PABPC4L: variants seen among roughly 807,000 people sequenced by gnomAD.
The protein encoded by PABPC4L is polyadenylate-binding protein 4-like.
For missense variants in PABPC4L, 452 were observed against 451.4 expected (o/e 1.00, Z -0.01); for synonymous variants, 169 against 164.1 (o/e 1.03, Z -0.23).
chr4:134,185,850 A>C, the PABPC4L span, among the ~76,000 whole-genome samples: 2 of 152,154 alleles, frequency 1.3e-5, no homozygotes, highest in Non-Finnish European at 2.9e-5. Context: ...TCAGAATACA[A>C]AACCAATGTG....
At chr4:134,174,805 A>C in the PABPC4L span, among the ~76,000 whole-genome samples, 3 of 152,048 alleles carry the variant, frequency 2.0e-5, no homozygotes, top group South Asian at 6.2e-4. Flanking sequence ...GATGACCAGA[A>C]ATTTTTTATA....
the PABPC4L span, among the ~76,000 whole-genome samples, chr4:134,159,307 C>T: frequency 6.6e-6 from 1 of 152,120 alleles, no homozygotes; most frequent in Admixed American, 6.5e-5. Context: ...AATTAAACAA[C>T]TATCCATGCA....
the PABPC4L span, among the ~76,000 whole-genome samples, chr4:134,048,828 T>C: frequency 6.6e-6 from 1 of 152,256 alleles, no homozygotes; most frequent in South Asian, 2.1e-4. Context: ...ATAATAACTA[T>C]TGCACAGGGC....
chr4:134,024,458 A>G, the PABPC4L span, among the ~76,000 whole-genome samples: 2 of 152,092 alleles, frequency 1.3e-5, no homozygotes, highest in Non-Finnish European at 2.9e-5. Flanking sequence ...GCAGATGGCC[A>G]CCTTCTTGCT....
At chr4:133,987,600 G>C in the PABPC4L span, among the ~76,000 whole-genome samples, 1 of 152,046 alleles carries the variant, frequency 6.6e-6, no homozygotes, top group Non-Finnish European at 1.5e-5. Flanking sequence ...AGCCTATACA[G>C]ATTTTGTGGG....
chr4:134,135,943 T>G, the PABPC4L span, among the ~76,000 whole-genome samples: 5 of 152,298 alleles, frequency 3.3e-5, no homozygotes, highest in African/African-American at 1.2e-4. Context: ...TACCACTTTT[T>G]TATTTTTAAG....
At chr4:134,047,261 A>G in the PABPC4L span, among the ~76,000 whole-genome samples, 6 of 152,148 alleles carry the variant, frequency 3.9e-5, no homozygotes, top group Non-Finnish European at 5.9e-5. Context: ...CCTTGGTTCA[A>G]TGTAAGCATC....
At chr4:133,957,308 G>A in the PABPC4L span, among the ~76,000 whole-genome samples, 20 of 152,254 alleles carry the variant, frequency 1.3e-4, no homozygotes, top group South Asian at 3.9e-3. Flanking sequence ...GAAATCTAGT[G>A]GGGCAGTCAT....
chr4:134,053,127 A>T, the PABPC4L span, among the ~76,000 whole-genome samples: 1 of 152,102 alleles, frequency 6.6e-6, no homozygotes, highest in South Asian at 2.1e-4. Flanking sequence ...GACCACACTA[A>T]ATAGGAACAA....
chr4:134,147,975 A>T, the PABPC4L span, among the ~76,000 whole-genome samples: 1 of 152,066 alleles, frequency 6.6e-6, no homozygotes, highest in Admixed American at 6.6e-5. Context: ...ACACTTCATA[A>T]TTTCACTTGA....
chr4:134,194,652 T>C (rs909197840), downstream of PABPC4L, among the ~76,000 whole-genome samples: 1 of 150,478 alleles, frequency 6.6e-6, no homozygotes, highest in Non-Finnish European at 1.5e-5. Flanking sequence ...TCACCATATA[T>C]TTTTTCATAA....
the PABPC4L span, among the ~76,000 whole-genome samples, chr4:134,024,959 G>T: frequency 7.0e-6 from 1 of 142,608 alleles, no homozygotes; most frequent in African/African-American, 2.6e-5. Context: ...AAGAAAAGGG[G>T]TCTTACTCTT....
At chr4:134,171,406 G>A in the PABPC4L span, among the ~76,000 whole-genome samples, 15 of 152,214 alleles carry the variant, frequency 9.9e-5, no homozygotes, top group Admixed American at 3.9e-4. Flanking sequence ...GAGCCACCAC[G>A]CCTGGCCATA....
chr4:134,078,629 A>G, the PABPC4L span, among the ~76,000 whole-genome samples: 1 of 150,272 alleles, frequency 6.7e-6, no homozygotes, highest in African/African-American at 2.5e-5. Context: ...CTGAATTTTC[A>G]GCATAGAGAT....
the PABPC4L span, among the ~76,000 whole-genome samples, chr4:134,149,214 G>A: frequency 5.9e-5 from 9 of 152,216 alleles, no homozygotes; most frequent in East Asian, 1.9e-4. Flanking sequence ...ACACATACCC[G>A]TTCCCAAGTC....
the PABPC4L span, among the ~76,000 whole-genome samples, chr4:134,003,268 T>C: frequency 6.6e-6 from 1 of 151,982 alleles, no homozygotes; most frequent in African/African-American, 2.4e-5. Flanking sequence ...TATTCACATG[T>C]CCATTAGAAA....
chr4:134,026,972 G>GA, the PABPC4L span, among the ~76,000 whole-genome samples: 60 of 149,604 alleles, frequency 4.0e-4, no homozygotes, highest in South Asian at 1.3e-3. Flanking sequence ...CCTGCAGAGG[G>GA]AAAAAAAAAA....
the PABPC4L span, among the ~76,000 whole-genome samples, chr4:134,004,968 TG>T: frequency 6.6e-6 from 1 of 151,788 alleles, no homozygotes; most frequent in African/African-American, 2.4e-5. Context: ...GAGACGGGGT[TG>T]GTAAGTGGAG....
the PABPC4L span, among the ~76,000 whole-genome samples, chr4:133,952,590 A>T: frequency 6.6e-6 from 1 of 152,146 alleles, no homozygotes; most frequent in Non-Finnish European, 1.5e-5. Flanking sequence ...CCCATTAATG[A>T]ATATGGGATA....
Sources: gnomAD v4.1 joint callset for allele counts (sites outside exome capture counted in the v4.1 genomes callset) on GRCh38, gnomAD v4.1.1 for gene constraint, MANE v1.5 for transcripts, NCBI Gene and HGNC (gene_info 2026-07-23, HGNC 2026-07-21) for gene names.